The following ITFG2 variants were observed in gnomAD, a reference collection of about 807,000 sequenced individuals.
ITFG2 encodes KICSTOR complex protein ITFG2.
ITFG2 carries 36 observed loss-of-function variants against 54.4 expected under a neutral mutation model. That is an observed-to-expected ratio of 0.66 (90% CI 0.51 to 0.87). ITFG2 has a LOEUF of 0.87. ITFG2 is among the 40% of genes least tolerant of loss of function. The pLI is 0.00. For missense variants in ITFG2, 524 were observed against 576.7 expected (o/e 0.91, Z 0.94); for synonymous variants, 211 against 225.4 (o/e 0.94, Z 0.57).
chr12:2,851,169 A>C lies in ITFG2; in HGVS notation n.301-6843A>C, dbSNP rs187197680. On this transcript the variant is annotated intron_variant and non_coding_transcript_variant, in intron 2 of 3. Transcript: ENST00000537710. ...CAAGAGCGAAACTCCATCTGAAAAA[A>C]AAAAATTAAAGATTTAAAGATGTAT... 8.6e-4 allele frequency among the ~76,000 whole-genome samples: 131 copies of C among 151,798 alleles called. 1 individual carries two copies. Among genetic ancestry groups the C allele is most frequent in the African/African-American group, 2.6e-3 (109 of 41,394 alleles).
upstream of ITFG2, chr12:2,834,928 C>A: frequency 5.0e-6 from 8 of 1,611,212 alleles, no homozygotes; most frequent in Non-Finnish European, 6.8e-6. Flanking sequence ...CGTGCTGCAG[C>A]TCTCTTTCCA....
At chr12:2,847,902 G>A (rs2098057922) in intron 2 of ITFG2, among the ~76,000 whole-genome samples, 1 of 152,084 alleles carries the variant, frequency 6.6e-6, no homozygotes, top group South Asian at 2.1e-4. Flanking sequence ...TTCTTTTTAT[G>A]GCTACATAAT....
intron 3 of ITFG2, chr12:2,859,013 T>C (rs769677621): frequency 2.5e-6 from 4 of 1,612,324 alleles, no homozygotes; most frequent in Non-Finnish European, 3.4e-6. Flanking sequence ...AGGTTTGTAC[T>C]GGGCTGAAAT....
At chr12:2,822,090 G>A (rs2097947411) in intron 9 of ITFG2, among the ~76,000 whole-genome samples, 1 of 152,030 alleles carries the variant, frequency 6.6e-6, no homozygotes, top group Non-Finnish European at 1.5e-5. Flanking sequence ...ACCACACTGG[G>A]CTAACTTTCC....
At chr12:2,840,484 C>T (rs887461829) in intron 1 of ITFG2, among the ~76,000 whole-genome samples, 5 of 150,552 alleles carry the variant, frequency 3.3e-5, no homozygotes, top group African/African-American at 1.2e-4. Context: ...TTAATTTCTT[C>T]CCCAATTTGT....
At chr12:2,854,768 A>AT in intron 2 of ITFG2, 1 of 958,724 alleles carries the variant, frequency 1.0e-6, no homozygotes, top group Non-Finnish European at 1.5e-6. Context: ...CACTCAGAAA[A>AT]GAGTTTGGTT....
intron 1 of ITFG2, among the ~76,000 whole-genome samples, chr12:2,815,302 T>A (rs2097918973): frequency 6.6e-6 from 1 of 152,034 alleles, no homozygotes; most frequent in Admixed American, 6.5e-5. Context: ...CAAGAGGAGA[T>A]CATAAAGCAG....
exon 4 of ITFG2, chr12:2,859,681 AT>A: frequency 6.3e-7 from 1 of 1,584,392 alleles, no homozygotes; most frequent in Admixed American, 1.7e-5. Context: ...GGAAACAGAG[AT>A]AAGGTGAACC....
chr12:2,816,054 CAG>C (rs1438630311), intron 1 of ITFG2, among the ~76,000 whole-genome samples: 2 of 143,300 alleles, frequency 1.4e-5, no homozygotes, highest in Admixed American at 7.1e-5. Context: ...TTTTTTGAGA[CAG>C]AGTCTCGCTC....
intron 2 of ITFG2, chr12:2,855,192 G>C: frequency 6.6e-7 from 1 of 1,508,334 alleles, no homozygotes; most frequent in South Asian, 1.2e-5. Context: ...CAGGCTGGGT[G>C]GGGAAGGTGG....
Position 2,812,784 on chromosome 12 carries a change from G to C in ITFG2, c.24G>C (p.Gln8His). 1 of 1,612,088 alleles carries C rather than the reference G, an allele frequency of 6.2e-7. No individual in the cohort carries two copies. Among genetic ancestry groups the C allele is most frequent in the East Asian group, 2.2e-5 (1 of 44,796 alleles). MRSVSYV[Q>H]RVALEFSGSL... ...CCATGAGGTCAGTTAGCTACGTGCA[G>C]CGCGTGGCGCTGGAGTTCAGCGGGA... Residue 8 changes from glutamine (Q) to histidine (H), a missense_variant, in exon 1 of 12, where the codon CAG becomes CAC. Coordinates refer to ENST00000228799, the MANE Select transcript of ITFG2 (RefSeq NM_018463.4).
At chr12:2,834,308 C>T (rs905692500), upstream of ITFG2, among the ~76,000 whole-genome samples, 2 of 152,206 alleles carry the variant, frequency 1.3e-5, no homozygotes, top group Non-Finnish European at 2.9e-5. Context: ...CCTCCAGGCC[C>T]TCCTGGTTGT....
Position 2,824,414 on chromosome 12 carries a change from T to A in ITFG2, c.*221T>A. 1.6e-6 allele frequency: 1 copy of A among 606,134 alleles called. No individual in the cohort carries two copies. Among genetic ancestry groups the A allele is most frequent in the Non-Finnish European group, 3.0e-6 (1 of 328,616 alleles). 37.5% of individuals were successfully genotyped at this position (606,134 alleles called of 1,614,324 possible). A position where few individuals can be genotyped will look rare whatever the true frequency, so the allele number is the denominator to read the frequency against. On this transcript the variant is annotated 3_prime_UTR_variant, in exon 12 of 12. Transcript: ENST00000228799. Reference sequence around the variant, plus strand: ...AGTTGACCCTCTGCCCATTTCCTTATGGACCTCACCCATCATGCCAGCAGG... The same window carrying A: ...AGTTGACCCTCTGCCCATTTCCTTAAGGACCTCACCCATCATGCCAGCAGG...
At position 2,822,785 on chromosome 12, in the gene ITFG2, C is replaced by G. The variant is rs1287087262; in HGVS notation, c.949-9C>G. On this transcript the variant is annotated splice_polypyrimidine_tract_variant and intron_variant, in intron 9 of 11. Coordinates refer to ENST00000228799, the MANE Select transcript of ITFG2 (RefSeq NM_018463.4). ...CCTTTATGTTCCTTTTGTCTCTGTC[C>G]TTTTTCAGGGCAACGGGCATGAGGA... 6.2e-7 allele frequency: 1 copy of G among 1,611,652 alleles called. No homozygotes were observed. The highest frequency in any genetic ancestry group is 8.5e-7 in the Non-Finnish European group (1 of 1,177,884).
At chr12:2,831,583 C>CA (rs1353741094), downstream of ITFG2, among the ~76,000 whole-genome samples, 4,090 of 139,876 alleles carry the variant, frequency 0.029, 165 homozygotes, top group African/African-American at 0.098. Context: ...GACTCTGTCT[C>CA]AAAAAAAAAA....
At chr12:2,836,405 G>A (rs989621547), upstream of ITFG2, among the ~76,000 whole-genome samples, 2 of 152,214 alleles carry the variant, frequency 1.3e-5, no homozygotes, top group Non-Finnish European at 2.9e-5. Context: ...TACCCCACCT[G>A]AGCCCTGCTC....
intron 2 of ITFG2, among the ~76,000 whole-genome samples, chr12:2,851,483 C>T (rs971920973): frequency 1.3e-5 from 2 of 151,962 alleles, no homozygotes; most frequent in South Asian, 2.1e-4. Flanking sequence ...GCTGGGATTA[C>T]AGGGCCCCGC....
chr12:2,821,014 G>A, intron 6 of ITFG2, 142 bp downstream of exon 6: 1 of 903,606 alleles, frequency 1.1e-6, no homozygotes, highest in Non-Finnish European at 1.7e-6. Flanking sequence ...TGCCCCACTG[G>A]GGAAGATTAC....
At chr12:2,837,955 T>A (rs929403298) in intron 1 of ITFG2, among the ~76,000 whole-genome samples, 5 of 152,212 alleles carry the variant, frequency 3.3e-5, no homozygotes, top group Admixed American at 6.5e-5. Context: ...AGGAGAATAC[T>A]GATAGAGATG....
Sources: gnomAD v4.1 joint callset for allele counts (sites outside exome capture counted in the v4.1 genomes callset) on GRCh38, gnomAD v4.1.1 for gene constraint, MANE v1.5 for transcripts, NCBI Gene and HGNC (gene_info 2026-07-23, HGNC 2026-07-21) for gene names.